GREB1L: variants seen among roughly 807,000 people sequenced by gnomAD.
The protein encoded by GREB1L is GREB1-like protein.
A neutral mutation model predicts 200.8 loss-of-function variants in GREB1L; 17 were observed. That is an observed-to-expected ratio of 0.08 (90% CI 0.06 to 0.13). The LOEUF is 0.13. Among genes scored for constraint, GREB1L ranks in the 10% least tolerant of loss-of-function variants. The pLI, the probability that GREB1L is intolerant of heterozygous loss-of-function variation, is 1.00. For missense variants in GREB1L, 1,657 were observed against 2,367.7 expected, an observed-to-expected ratio of 0.70 and a Z score of 6.23; for synonymous variants, 789 against 893.0, an observed-to-expected ratio of 0.88 and a Z score of 2.08.
intron 7 of GREB1L, among the ~76,000 whole-genome samples, chr18:21,430,308 G>A (rs865888332): frequency 5.3e-5 from 8 of 151,148 alleles, no homozygotes; most frequent in Admixed American, 3.3e-4. Context: ...GTGATGCCCC[G>A]TCTTTTATTC....
In GREB1L at chr18:21,366,145, CAAT is replaced by C. The variant is rs2039672467; in HGVS notation, c.-10+10_-10+12del. 6.6e-6 allele frequency: 1 copy of C among 152,044 alleles called. No individual in the cohort carries two copies. The highest frequency in any genetic ancestry group is 1.5e-5 in the Non-Finnish European group (1 of 68,002). The allele number at this position is 152,044 out of a possible 1,614,324, so 9.4% of individuals were successfully genotyped here. On this transcript the variant is annotated intron_variant, in intron 2 of 32. Transcript: ENST00000424526. ...TTAATAAATAAACCAAGGTATTGTA[CAAT>C]TATATATGACCCTCCCCAATTTTTC... is the stretch of plus-strand genomic sequence containing the variant.
At chr18:21,447,897 C>T (rs185960301) in intron 11 of GREB1L, among the ~76,000 whole-genome samples, 21 of 152,176 alleles carry the variant, frequency 1.4e-4, no homozygotes, top group African/African-American at 4.8e-4. Context: ...GGCACGGTGG[C>T]TCACACCTGT....
At chr18:21,451,477 C>A in intron 13 of GREB1L, 1 of 128,818 alleles carries the variant, frequency 7.8e-6, no homozygotes, top group Non-Finnish European at 1.4e-5. Flanking sequence ...TTCCTTCCTT[C>A]CTTTTTTTTT....
At chr18:21,518,364 CT>C in intron 31 of GREB1L, 130 bp downstream of exon 31, 2 of 847,544 alleles carry the variant, frequency 2.4e-6, no homozygotes, top group African/African-American at 1.7e-5. Flanking sequence ...TTTGCCAGAA[CT>C]TTTATTAAAG....
intron 2 of GREB1L, among the ~76,000 whole-genome samples, chr18:21,379,199 C>G (rs8087568): frequency 0.16 from 24,114 of 152,112 alleles, 4,726 homozygotes; most frequent in African/African-American, 0.46. Context: ...GAGAATGTAG[C>G]TTTTCAAGAT....
At chr18:21,452,663 G>A (rs555192447) in intron 14 of GREB1L, among the ~76,000 whole-genome samples, 1 of 152,308 alleles carries the variant, frequency 6.6e-6, no homozygotes, top group African/African-American at 2.4e-5. Flanking sequence ...TTGGCAGATA[G>A]AGCAGCGCTA....
At chr18:21,274,046 G>A (rs1411764371) in intron 1 of GREB1L, among the ~76,000 whole-genome samples, 1 of 152,104 alleles carries the variant, frequency 6.6e-6, no homozygotes, top group Non-Finnish European at 1.5e-5. Context: ...ACCACAAACT[G>A]GTTGGCTTAT....
chr18:21,389,534 T>C (rs1248749020), intron 4 of GREB1L, among the ~76,000 whole-genome samples: 1 of 152,122 alleles, frequency 6.6e-6, no homozygotes, highest in African/African-American at 2.4e-5. Context: ...CTAAAAACTA[T>C]TTGTGTGGAT....
At chr18:21,402,433 T>C (rs2041356206) in intron 6 of GREB1L, among the ~76,000 whole-genome samples, 2 of 151,784 alleles carry the variant, frequency 1.3e-5, no homozygotes, top group African/African-American at 4.8e-5. Context: ...TTTTCTTTTC[T>C]TTTTCTTTTC....
intron 2 of GREB1L, among the ~76,000 whole-genome samples, chr18:21,368,182 C>T (rs186527423): frequency 3.9e-5 from 6 of 152,230 alleles, no homozygotes; most frequent in Admixed American, 2.6e-4. Flanking sequence ...GATAATCACT[C>T]GTGTTAAAGG....
intron 1 of GREB1L, among the ~76,000 whole-genome samples, chr18:21,275,162 C>A (rs2144339360): frequency 6.6e-6 from 1 of 151,952 alleles, no homozygotes; most frequent in East Asian, 2.0e-4. Context: ...ATAGCTTGAA[C>A]CCAGGAGGTC....
chr18:21,521,196 CA>C (rs1033358702), intron 32 of GREB1L, among the ~76,000 whole-genome samples: 49 of 148,994 alleles, frequency 3.3e-4, no homozygotes, highest in Non-Finnish European at 5.1e-4. Flanking sequence ...GACTCCGTCT[CA>C]AAAAAAAAGT....
At chr18:21,269,795 C>A (rs1598618324) in intron 1 of GREB1L, among the ~76,000 whole-genome samples, 2 of 152,224 alleles carry the variant, frequency 1.3e-5, no homozygotes, top group African/African-American at 4.8e-5. Flanking sequence ...TTCTTAGCAA[C>A]AGTTCATTAA....
chr18:21,389,194 T>G (rs1449445612), intron 4 of GREB1L, among the ~76,000 whole-genome samples: 1 of 152,222 alleles, frequency 6.6e-6, no homozygotes, highest in African/African-American at 2.4e-5. Flanking sequence ...TATGTCATTA[T>G]GGCCATAAAT....
At chr18:21,441,671 C>T (rs1413232873) in intron 10 of GREB1L, 134 bp downstream of exon 10, 1 of 878,984 alleles carries the variant, frequency 1.1e-6, no homozygotes, top group African/African-American at 1.7e-5. Flanking sequence ...TTGGTCAGCT[C>T]TTTCATGCTA....
intron 17 of GREB1L, among the ~76,000 whole-genome samples, chr18:21,477,666 A>G (rs1052931309): frequency 4.6e-5 from 7 of 152,060 alleles, no homozygotes. Flanking sequence ...CACGCCTGTA[A>G]TCCCAGCTAT....
intron 10 of GREB1L, 112 bp from the exon 11 acceptor site, chr18:21,444,112 C>A: frequency 1.5e-6 from 1 of 673,218 alleles, no homozygotes; most frequent in Non-Finnish European, 2.5e-6. Flanking sequence ...TGGTAGCTAT[C>A]TCAGAGGGCA....
At chr18:21,473,377 C>G (rs922351301) in intron 16 of GREB1L, among the ~76,000 whole-genome samples, 166 bp downstream of exon 16, 3 of 152,002 alleles carry the variant, frequency 2.0e-5, no homozygotes, top group Non-Finnish European at 4.4e-5. Flanking sequence ...AGAGACCAGC[C>G]TGGCCAACAT....
intron 11 of GREB1L, 90 bp downstream of exon 11, chr18:21,444,499 T>C: frequency 9.7e-7 from 1 of 1,028,782 alleles, no homozygotes; most frequent in Non-Finnish European, 1.4e-6. Context: ...TTTATCCTCC[T>C]ATCTCTTATT....
Sources: allele counts gnomAD v4.1 joint callset (sites outside exome capture counted in the v4.1 genomes callset), GRCh38; gene constraint gnomAD v4.1.1; transcripts MANE v1.5; gene names NCBI Gene and HGNC (gene_info 2026-07-23, HGNC 2026-07-21).